DNAJC10: variants seen among roughly 807,000 people sequenced by gnomAD.
The protein encoded by DNAJC10 is DnaJ heat shock protein family (Hsp40) member C10.
DNAJC10 carries 101 observed loss-of-function variants against 115.0 expected under a neutral mutation model. The observed-to-expected ratio is 0.88, with a 90% confidence interval of 0.75 to 1.04. The LOEUF (loss-of-function observed/expected upper bound fraction) is 1.04. DNAJC10 is among the 50% of genes least tolerant of loss of function. The pLI is 0.00. For synonymous variants in DNAJC10, 307 were observed against 301.5 expected, an observed-to-expected ratio of 1.02 and a Z score of -0.19; for missense variants, 981 against 928.8, an observed-to-expected ratio of 1.06 and a Z score of -0.73.
In DNAJC10 at chr2:182,782,438, T is replaced by A. The variant is rs143521064; in HGVS notation, c.*5306T>A. The A allele has an allele frequency of 1.3e-5, 2 of 152,170 alleles. No homozygotes were observed. The highest frequency in any genetic ancestry group is 2.9e-5 in the Non-Finnish European group (2 of 68,034). 9.4% of individuals were successfully genotyped at this position (152,170 alleles called of 1,614,324 possible). The stretch of plus-strand genomic sequence containing the variant: ...GGTTCCATATGAAATTTAAAGTAGT[T>A]TTTTCCAATTCTGTGAAGAAAGTCA... On this transcript the variant is annotated 3_prime_UTR_variant, in exon 24 of 24. Transcript: ENST00000264065.
At chr2:182,770,119 G>A (rs1221425634) in intron 22 of DNAJC10, among the ~76,000 whole-genome samples, 10 of 152,120 alleles carry the variant, frequency 6.6e-5, no homozygotes, top group Non-Finnish European at 1.5e-5. Flanking sequence ...AAGATCAGAT[G>A]GTTGTAGATG....
chr2:182,739,623 TAAA>T, intron 11 of DNAJC10: 4 of 1,137,644 alleles, frequency 3.5e-6, no homozygotes, highest in Non-Finnish European at 4.4e-6. Flanking sequence ...TATTGACAAA[TAAA>T]GAAGATTTGT....
intron 14 of DNAJC10, among the ~76,000 whole-genome samples, chr2:182,749,132 G>C (rs1236608238): frequency 2.0e-5 from 3 of 151,702 alleles, no homozygotes; most frequent in Non-Finnish European, 4.4e-5. Context: ...TGTATATTCT[G>C]TTGATTTGGG....
At chr2:182,735,618 C>T (rs1693563574) in intron 10 of DNAJC10, among the ~76,000 whole-genome samples, 1 of 152,058 alleles carries the variant, frequency 6.6e-6, no homozygotes, top group African/African-American at 2.4e-5. Flanking sequence ...GTTTCTATCT[C>T]ATTCTCCCTT....
chr2:182,769,414 A>G (rs1694502202), intron 22 of DNAJC10, among the ~76,000 whole-genome samples: 1 of 152,166 alleles, frequency 6.6e-6, no homozygotes, highest in Admixed American at 6.5e-5. Context: ...GTCTTACACA[A>G]TGGTTGAACT....
rs546940022 is a variant in DNAJC10 at position 182,791,033 on chromosome 2, AT to A, written c.*13908del. 6.6e-6 allele frequency: 1 copy of A among 152,078 alleles called. No homozygotes were observed. Among genetic ancestry groups the A allele is most frequent in the Non-Finnish European group, 1.5e-5 (1 of 68,012 alleles). 9.4% of individuals were successfully genotyped at this position (152,078 alleles called of 1,614,324 possible). A position where few individuals can be genotyped will look rare whatever the true frequency, so the allele number is the denominator to read the frequency against. On this transcript the variant is annotated 3_prime_UTR_variant, in exon 24 of 24. Transcript: ENST00000264065. The stretch of plus-strand genomic sequence containing the variant: ...TGTTATGACTTATTTTCAAGTAAAT[AT>A]TTTTTTAATTTCTTCATTTGGGATA...
chr2:182,779,534 CA>C lies in DNAJC10; in HGVS notation c.*2403del, dbSNP rs1343018633. On this transcript the variant is annotated 3_prime_UTR_variant, in exon 24 of 24. Coordinates refer to ENST00000264065, the MANE Select transcript of DNAJC10 (RefSeq NM_018981.4). ...TGAGGCAGGAGGGATTGCTTGGGCT[CA>C]GGATTTTGAATCCAGCCTGGGCAAC... 6.6e-6 allele frequency: 1 copy of C among 152,106 alleles called. No individual in the cohort carries two copies. Among genetic ancestry groups the C allele is most frequent in the African/African-American group, 2.4e-5 (1 of 41,414 alleles). 9.4% of individuals were successfully genotyped at this position (152,106 alleles called of 1,614,324 possible).
At chr2:182,758,757 A>T in intron 19 of DNAJC10, 80 bp from the exon 20 acceptor site, 2 of 1,009,412 alleles carry the variant, frequency 2.0e-6, no homozygotes, top group South Asian at 2.7e-5. Flanking sequence ...TATTTTTTAA[A>T]TTGCTACAAT....
intron 22 of DNAJC10, 84 bp downstream of exon 22, chr2:182,762,885 G>C: frequency 7.1e-7 from 1 of 1,414,524 alleles, no homozygotes; most frequent in South Asian, 1.4e-5. Context: ...TTTTTTTTCT[G>C]TTTTCTCATC....
chr2:182,732,964 C>G (rs1458178610), intron 10 of DNAJC10, among the ~76,000 whole-genome samples: 1 of 151,826 alleles, frequency 6.6e-6, no homozygotes, highest in African/African-American at 2.4e-5. Context: ...TGTGGCTTGA[C>G]AAAGCCACAC....
In DNAJC10 at chr2:182,776,948, TTC is replaced by T. The variant is rs997978488; in HGVS notation, c.2371-171_2371-170del. Among the ~76,000 whole-genome samples, 14 of 152,342 alleles carry T rather than the reference TTC, an allele frequency of 9.2e-5. 1 individual carries two copies. The highest frequency in any genetic ancestry group is 3.4e-4 in the African/African-American group (14 of 41,582). On this transcript the variant is annotated intron_variant, in intron 23 of 23. Coordinates refer to ENST00000264065, the MANE Select transcript of DNAJC10 (RefSeq NM_018981.4). ...AGCAGGTAAGAACTAGGATATTCTT[TTC>T]TTTTTTATTGTTATATTTTGGCAAA...
chr2:182,743,583 C>G lies in DNAJC10; in HGVS notation c.1192-15C>G. 2 of 1,577,480 alleles carry G rather than the reference C, an allele frequency of 1.3e-6. No homozygotes were observed. Among genetic ancestry groups the G allele is most frequent in the Non-Finnish European group, 1.7e-6 (2 of 1,148,938 alleles). On this transcript the variant is annotated splice_polypyrimidine_tract_variant and intron_variant, in intron 13 of 23. Transcript: ENST00000264065. ...AGACAGTGTTTTTATCAAATTTGAC[C>G]TTTTTCTCCTTTAGGTTGGCAGGTT...
intron 21 of DNAJC10, among the ~76,000 whole-genome samples, chr2:182,760,439 T>C (rs1694260955): frequency 6.6e-6 from 1 of 152,188 alleles, no homozygotes; most frequent in Non-Finnish European, 1.5e-5. Context: ...GTTCGGTTGG[T>C]TGGTTTTATT....
rs761459152 is a variant in DNAJC10 at position 182,762,791 on chromosome 2, A to G, written c.2255A>G (p.Glu752Gly). ...CCAACTGTTAAATTTTATTTCTACG[A>G]AAGAGCAAAGGTATGTCCAGACTTT... ...AYPTVKFYFY[E>G]RAKRNFQEEQ... The change falls in exon 22 of 24, where the codon GAA becomes GGA. Residue 752 changes from glutamate (E) to glycine (G), a missense_variant. By Grantham distance (98) the Glu-to-Gly change is moderately conservative. Coordinates refer to ENST00000264065, the MANE Select transcript of DNAJC10 (RefSeq NM_018981.4). 22 of 1,611,932 alleles carry G rather than the reference A, an allele frequency of 1.4e-5. No homozygotes were observed. Among genetic ancestry groups the G allele is most frequent in the Non-Finnish European group, 1.7e-5 (20 of 1,178,460 alleles).
In DNAJC10 at chr2:182,751,796, T is replaced by C; in HGVS notation, c.1434+11T>C. ...GATTTCTTTGCCCCCGTAAGTTATT[T>C]TTATCTGTCAGATTCTAACATTGTC... is the stretch of plus-strand genomic sequence containing the variant. On this transcript the variant is annotated intron_variant, in intron 15 of 23. Coordinates refer to ENST00000264065, the MANE Select transcript of DNAJC10 (RefSeq NM_018981.4). 2 of 1,610,222 alleles carry C rather than the reference T, an allele frequency of 1.2e-6. No individual in the cohort carries two copies. The highest frequency in any genetic ancestry group is 1.7e-6 in the Non-Finnish European group (2 of 1,179,292).
Position 182,757,744 on chromosome 2 carries a change from CT to C in DNAJC10, c.1867del (p.Cys623ValfsTer12), listed in dbSNP as rs1467059263. On this transcript the variant is annotated frameshift_variant, in exon 19 of 24. Coordinates refer to ENST00000264065, the MANE Select transcript of DNAJC10 (RefSeq NM_018981.4). LOFTEE classifies it high-confidence loss of function. ...AGTATAGATTGCCAACAGTATCATT[CT>C]TTTTGTGCCCAGGAAAACGTTCAAA... ...VGSIDCQQYH[S>X]FCAQENVQRY... The C allele has an allele frequency of 1.2e-6, 2 of 1,604,902 alleles. No homozygotes were observed. The highest frequency in any genetic ancestry group is 1.3e-5 in the African/African-American group (1 of 74,650).
chr2:182,753,641 G>T lies in DNAJC10; in HGVS notation c.1552-1362G>T, dbSNP rs1198767031. On this transcript the variant is annotated intron_variant, in intron 16 of 23. Coordinates refer to ENST00000264065, the MANE Select transcript of DNAJC10 (RefSeq NM_018981.4). ...TCTGTTGTCCAGGCTGGAGTGCAGT[G>T]GTGCAATCTCAGCTCACTGCAAGCT... Among the ~76,000 whole-genome samples, 5 of 129,572 alleles carry T rather than the reference G, an allele frequency of 3.9e-5. No homozygotes were observed. In the East Asian group the frequency reaches 9.4e-4, roughly 24 times the overall value. 85.0% of individuals were successfully genotyped at this position (129,572 alleles called of 152,430 possible).
Position 182,786,296 on chromosome 2 carries a change from C to A in DNAJC10, c.*9164C>A, listed in dbSNP as rs1489713607. ...GGTTGGCACTAAGTAGGACCACTTT[C>A]GAAGAGAATGGGTAGAATTCATTTT... On this transcript the variant is annotated 3_prime_UTR_variant, in exon 24 of 24. Transcript: ENST00000264065. The A allele has an allele frequency of 6.6e-6, 1 of 152,108 alleles. No homozygotes were observed. The highest frequency in any genetic ancestry group is 1.5e-5 in the Non-Finnish European group (1 of 68,022). 9.4% of individuals were successfully genotyped at this position (152,108 alleles called of 1,614,324 possible).
At chr2:182,765,067 A>T (rs920912135) in intron 22 of DNAJC10, among the ~76,000 whole-genome samples, 2 of 152,148 alleles carry the variant, frequency 1.3e-5, no homozygotes, top group African/African-American at 4.8e-5. Context: ...CAGACAGCAT[A>T]TAGGAAGATC....
Sources: allele counts gnomAD v4.1 joint callset (sites outside exome capture counted in the v4.1 genomes callset), GRCh38; gene constraint gnomAD v4.1.1; transcripts MANE v1.5; gene names NCBI Gene and HGNC (gene_info 2026-07-23, HGNC 2026-07-21).